The following DSCAM variants were observed in gnomAD, a reference collection of about 807,000 sequenced individuals.
The protein encoded by DSCAM is DS cell adhesion molecule, also known as cell adhesion molecule DSCAM.
In DSCAM, 47 loss-of-function variants were observed where a neutral mutation model predicts 217.7. That is an observed-to-expected ratio of 0.22 (90% CI 0.17 to 0.28). The LOEUF (loss-of-function observed/expected upper bound fraction) is 0.28, where lower values mean the gene tolerates loss of function less well. Among genes scored for constraint, DSCAM ranks in the 10% least tolerant of loss-of-function variants. DSCAM has a pLI of 1.00. For missense variants in DSCAM, 2,080 were observed against 2,618.3 expected, an observed-to-expected ratio of 0.79 and a Z score of 4.49; for synonymous variants, 1,056 against 1,015.3, an observed-to-expected ratio of 1.04 and a Z score of -0.76.
chr21:40,563,618 TTATA>T (rs1217835952), intron 3 of DSCAM, among the ~76,000 whole-genome samples: 7 of 124,212 alleles, frequency 5.6e-5, no homozygotes, highest in South Asian at 2.4e-4. Context: ...GTTTACATGT[TTATA>T]TATAGTTATA....
chr21:40,058,311 C>T (rs2089060970), intron 28 of DSCAM, among the ~76,000 whole-genome samples: 2 of 152,304 alleles, frequency 1.3e-5, no homozygotes, highest in Non-Finnish European at 2.9e-5. Context: ...CCAGTGGAGC[C>T]AGGCTGGCCC....
chr21:40,700,480 A>T (rs561571148), intron 2 of DSCAM, among the ~76,000 whole-genome samples: 1 of 152,302 alleles, frequency 6.6e-6, no homozygotes, highest in East Asian at 1.9e-4. Context: ...TTAATTTTCA[A>T]ATGTGAAACT....
intron 27 of DSCAM, among the ~76,000 whole-genome samples, chr21:40,067,046 T>C (rs368669373): frequency 1.4e-4 from 22 of 152,358 alleles, no homozygotes; most frequent in African/African-American, 5.3e-4. Context: ...TTAATATGCC[T>C]GACCTACCAA....
chr21:40,724,980 C>T (rs1285597417), intron 1 of DSCAM, among the ~76,000 whole-genome samples: 2 of 151,882 alleles, frequency 1.3e-5, no homozygotes, highest in African/African-American at 4.9e-5. Context: ...CTCATAAATG[C>T]AAATACACCC....
At chr21:40,368,496 A>G (rs1180235478) in intron 4 of DSCAM, among the ~76,000 whole-genome samples, 1 of 152,230 alleles carries the variant, frequency 6.6e-6, no homozygotes, top group African/African-American at 2.4e-5. Context: ...TATTTTGAAG[A>G]TGTAAGTGAT....
chr21:40,018,468 CTCTT>C (rs1454686435), intron 32 of DSCAM, among the ~76,000 whole-genome samples: 44 of 152,256 alleles, frequency 2.9e-4, no homozygotes, highest in African/African-American at 1.0e-3. Context: ...ATGCCTCATG[CTCTT>C]TCTGAGACCC....
intron 1 of DSCAM, among the ~76,000 whole-genome samples, chr21:40,741,356 T>G (rs532057062): frequency 6.6e-6 from 1 of 152,344 alleles, no homozygotes; most frequent in South Asian, 2.1e-4. Context: ...CACATGTTAA[T>G]AAAACATGTG....
intron 11 of DSCAM, among the ~76,000 whole-genome samples, chr21:40,256,496 A>G (rs7276251): frequency 0.4 from 59,898 of 151,636 alleles, 12,319 homozygotes; most frequent in South Asian, 0.48. Context: ...ATAAGGAACC[A>G]CTCCATGAAA....
chr21:40,643,536 A>G (rs2089908455), intron 3 of DSCAM, among the ~76,000 whole-genome samples: 1 of 152,334 alleles, frequency 6.6e-6, no homozygotes, highest in East Asian at 1.9e-4. Context: ...CTCTGGCTTG[A>G]GATGGCAGAG....
Position 40,384,482 on chromosome 21 carries a change from C to T in DSCAM, c.509-15237G>A, listed in dbSNP as rs149773065. Reference sequence around the variant, plus strand: ...GTTAGCCAGGCATGGTGGCCCATGCCTGTAATCCCAGCTACTCGGGAGGCT... The same window carrying T: ...GTTAGCCAGGCATGGTGGCCCATGCTTGTAATCCCAGCTACTCGGGAGGCT... On this transcript the variant is annotated intron_variant, in intron 3 of 32. Transcript: ENST00000400454. 846 of 152,906 alleles carry T rather than the reference C, an allele frequency of 5.5e-3. 7 individuals are homozygous for T. Among genetic ancestry groups the T allele is most frequent in the Non-Finnish European group, 9.0e-3 (620 of 68,602 alleles). 9.5% of individuals were successfully genotyped at this position (152,906 alleles called of 1,614,324 possible). A position where few individuals can be genotyped will look rare whatever the true frequency, so the allele number is the denominator to read the frequency against.
At chr21:40,499,843 C>T (rs1232989833) in intron 3 of DSCAM, among the ~76,000 whole-genome samples, 5 of 152,072 alleles carry the variant, frequency 3.3e-5, no homozygotes, top group Non-Finnish European at 1.5e-5. Context: ...TGTAGTGATG[C>T]GATCTCGGCT....
intron 3 of DSCAM, among the ~76,000 whole-genome samples, chr21:40,435,546 CA>C (rs3069912): frequency 0.07 from 10,065 of 143,446 alleles, 389 homozygotes; most frequent in Non-Finnish European, 0.082. Flanking sequence ...CTGTATCTAC[CA>C]AAAAAAAAAA....
intron 11 of DSCAM, among the ~76,000 whole-genome samples, chr21:40,240,587 T>C (rs1569018202): frequency 6.6e-6 from 1 of 152,112 alleles, no homozygotes; most frequent in Admixed American, 6.5e-5. Context: ...GTTCAGGCTG[T>C]TCCCAATGTC....
At chr21:40,351,057 T>C (rs1387122531) in intron 5 of DSCAM, among the ~76,000 whole-genome samples, 13 of 151,758 alleles carry the variant, frequency 8.6e-5, no homozygotes. Flanking sequence ...AGCACAAACA[T>C]ACTTTTAATG....
chr21:40,418,948 A>T (rs2123813707), intron 3 of DSCAM, among the ~76,000 whole-genome samples: 1 of 152,276 alleles, frequency 6.6e-6, no homozygotes, highest in African/African-American at 2.4e-5. Flanking sequence ...TTCAGGACAC[A>T]GAAAAGGAAA....
At position 40,142,641 on chromosome 21, in the gene DSCAM, G is replaced by C. The variant is rs2090306522; in HGVS notation, c.3323C>G (p.Ser1108Cys). ...GGCTTCCTTGGAAAGTGTGGACCAG[G>C]ATATTGATATGCTTTCTGGTGATGT... The part of the protein sequence containing the change: ...IATSPESISI[S>C]WSTLSKEALN... The change falls in exon 18 of 33, where the codon TCC (serine) becomes TGC (cysteine). Residue 1108 changes from serine to cysteine, a missense_variant. By Grantham distance (112) the Ser-to-Cys change is moderately radical. Around this residue, in one of 5 missense-constraint regions of DSCAM, gnomAD observed 1,144 missense variants for 1,421.1 expected, o/e 0.81. Coordinates refer to ENST00000400454, the MANE Select transcript of DSCAM (RefSeq NM_001389.5). 6.2e-7 allele frequency: 1 copy of C among 1,614,038 alleles called. No individual in the cohort carries two copies. The highest frequency in any genetic ancestry group is 8.5e-7 in the Non-Finnish European group (1 of 1,180,030).
chr21:40,175,066 A>AGAC (rs1479415788), intron 15 of DSCAM, among the ~76,000 whole-genome samples: 1 of 152,164 alleles, frequency 6.6e-6, no homozygotes, highest in Non-Finnish European at 1.5e-5. Flanking sequence ...TGCTATAACA[A>AGAC]AGTACTCTAA....
chr21:40,653,194 G>C (rs190643640), intron 3 of DSCAM, among the ~76,000 whole-genome samples: 1 of 152,316 alleles, frequency 6.6e-6, no homozygotes, highest in Admixed American at 6.5e-5. Flanking sequence ...GCTTTTCAGA[G>C]TTCTGTGAGT....
chr21:40,376,526 TATATAG>T (rs1473407926), intron 3 of DSCAM, among the ~76,000 whole-genome samples: 2 of 96,782 alleles, frequency 2.1e-5, no homozygotes, highest in South Asian at 3.8e-4. Flanking sequence ...CTATATATCT[TATATAG>T]ATATCGATAT....
Sources: gnomAD v4.1 joint callset for allele counts (sites outside exome capture counted in the v4.1 genomes callset) on GRCh38, gnomAD v4.1.1 for gene constraint, gnomAD v4.1.1 regional missense constraint, MANE v1.5 for transcripts, NCBI Gene and HGNC (gene_info 2026-07-23, HGNC 2026-07-21) for gene names.